Variants in ORM2 observed in about 807,000 individuals in gnomAD.
ORM2 encodes the protein orosomucoid 2, also known as alpha-1-acid glycoprotein 2.
Under a neutral mutation model 26.8 loss-of-function variants are expected in ORM2, and 19 were observed. The observed-to-expected ratio is 0.71, with a 90% CI of 0.49 to 1.04. The LOEUF (loss-of-function observed/expected upper bound fraction) is 1.04, where lower values mean the gene tolerates loss of function less well. Among genes scored for constraint, ORM2 ranks in the 50% least tolerant of loss-of-function variants. ORM2 has a pLI of 0.00. For synonymous variants in ORM2, 94 were observed against 100.0 expected (o/e 0.94, Z 0.36); for missense variants, 259 against 244.9 (o/e 1.06, Z -0.39).
chr9:114,332,358 G>A (rs1315741078), intron 5 of ORM2, among the ~76,000 whole-genome samples: 6 of 152,102 alleles, frequency 3.9e-5, no homozygotes, highest in Admixed American at 6.5e-5. Flanking sequence ...CACGGCCACA[G>A]TCACCATCCC....
Position 114,330,772 on chromosome 9 carries a change from C to A in ORM2, c.258-20C>A, listed in dbSNP as rs201696562. On this transcript the variant is annotated intron_variant, in intron 2 of 5. Transcript: ENST00000431067. ...CTCGATAACATTACTGTTTTTCTTC[C>A]GCCTTCTGGTTGACTTTAGCCAGAA... is the stretch of plus-strand genomic sequence containing the variant. 6.2e-7 allele frequency: 1 copy of A among 1,612,566 alleles called. No individual in the cohort carries two copies. The highest frequency in any genetic ancestry group is 1.7e-5 in the Admixed American group (1 of 59,988).
chr9:114,330,549 C>A lies in ORM2; in HGVS notation c.230C>A (p.Thr77Lys). The change falls in exon 2 of 6, where the codon ACG becomes AAG. Residue 77 changes from threonine to lysine, a missense_variant. Around this residue, in one of 2 missense-constraint regions of ORM2, gnomAD observed 251 missense variants for 220.5 expected, o/e 1.14. Coordinates refer to ENST00000431067, the MANE Select transcript of ORM2 (RefSeq NM_000608.4). ...TTTACCCCCAACAAGACAGAGGACACGATCTTTCTCAGAGAGTACCAGACC... is the reference window on the plus strand; with the variant it reads ...TTTACCCCCAACAAGACAGAGGACAAGATCTTTCTCAGAGAGTACCAGACC... ...FYFTPNKTEDTIFLREYQTRQ... is the reference protein window; with the variant it reads ...FYFTPNKTEDKIFLREYQTRQ... The A allele has an allele frequency of 6.2e-7, 1 of 1,612,794 alleles. No individual in the cohort carries two copies. The highest frequency in any genetic ancestry group is 8.5e-7 in the Non-Finnish European group (1 of 1,179,976).
Position 114,331,669 on chromosome 9 carries a change from T to C in ORM2, c.431T>C (p.Phe144Ser). Residue 144 changes from phenylalanine (F) to serine (S), a missense_variant, in exon 4 of 6, where the codon TTC becomes TCC. Transcript: ENST00000431067. ...LDDEKNWGLS[F>S]YADKPETTKE... The stretch of plus-strand genomic sequence containing the variant: ...GATGAGAAGAACTGGGGGCTGTCTT[T>C]CTATGGTAGGCATGCTTAGCAGCCC... 6.2e-7 allele frequency: 1 copy of C among 1,613,196 alleles called. No homozygotes were observed. The highest frequency in any genetic ancestry group is 8.5e-7 in the Non-Finnish European group (1 of 1,179,398).
chr9:114,330,418 C>G lies in ORM2; in HGVS notation c.115-16C>G, dbSNP rs374387012. ...CAGCATCAAGCCCCCATCACCAGCT[C>G]CCCCCTTCTCCCCAGATCACTGGCA... On this transcript the variant is annotated splice_polypyrimidine_tract_variant and intron_variant, in intron 1 of 5. Transcript: ENST00000431067. 2.1e-5 allele frequency: 33 copies of G among 1,552,538 alleles called. 3 individuals are homozygous for G. Among genetic ancestry groups the G allele is most frequent in the African/African-American group, 3.4e-5 (2 of 59,230 alleles).
chr9:114,332,890 C>G (rs1423267117), intron 5 of ORM2, among the ~76,000 whole-genome samples, 179 bp from the exon 6 acceptor site: 2 of 152,124 alleles, frequency 1.3e-5, no homozygotes, highest in African/African-American at 2.4e-5. Context: ...AGCTGAGGTT[C>G]AGAGACAGAA....
chr9:114,330,642 C>T (rs1829835635), intron 2 of ORM2, 66 bp downstream of exon 2: 4 of 1,600,212 alleles, frequency 2.5e-6, no homozygotes, highest in Non-Finnish European at 3.4e-6. Context: ...GCAAGTCCCT[C>T]CTTCTTCCTG....
chr9:114,332,186 G>A (rs1204722753), intron 5 of ORM2, among the ~76,000 whole-genome samples: 5 of 151,874 alleles, frequency 3.3e-5, no homozygotes, highest in African/African-American at 7.3e-5. Context: ...TGAGCCACGG[G>A]GTTGGGGGAT....
chr9:114,332,717 C>G (rs1239369773), intron 5 of ORM2, among the ~76,000 whole-genome samples: 1 of 152,096 alleles, frequency 6.6e-6, no homozygotes, highest in African/African-American at 2.4e-5. Context: ...TAGGGAGCCT[C>G]GAATGGGTCC....
intron 4 of ORM2, 31 bp downstream of exon 4, chr9:114,331,705 C>A (rs371411972): frequency 1.3e-6 from 2 of 1,596,420 alleles, no homozygotes; most frequent in Non-Finnish European, 1.7e-6. Context: ...CAAACTCATG[C>A]CCCTCTCAGG....
chr9:114,332,547 A>G (rs565835310), intron 5 of ORM2, among the ~76,000 whole-genome samples: 1 of 152,182 alleles, frequency 6.6e-6, no homozygotes, highest in East Asian at 1.9e-4. Context: ...TGACTATTCA[A>G]AGAAAAACAA....
intron 4 of ORM2, 56 bp from the exon 5 acceptor site, chr9:114,331,770 T>C (rs1829857230): frequency 6.3e-7 from 1 of 1,586,592 alleles, no homozygotes; most frequent in African/African-American, 1.4e-5. Context: ...CAGCCCTCCC[T>C]GGCCTCCCGC....
chr9:114,331,662 C>T lies in ORM2; in HGVS notation c.424C>T (p.Leu142=), dbSNP rs776199908. 2 of 1,613,554 alleles carry T rather than the reference C, an allele frequency of 1.2e-6. No homozygotes were observed. Among genetic ancestry groups the T allele is most frequent in the East Asian group, 2.2e-5 (1 of 44,850 alleles). ...CCTGGACGATGAGAAGAACTGGGGG[C>T]TGTCTTTCTATGGTAGGCATGCTTA... ...SYLDDEKNWG[L]SFYADKPETT... The change falls in exon 4 of 6, where the codon CTG becomes TTG. Residue 142 remains leucine (L), a synonymous_variant. Coordinates refer to ENST00000431067, the MANE Select transcript of ORM2 (RefSeq NM_000608.4).
At position 114,330,840 on chromosome 9, in the gene ORM2, G is replaced by T; in HGVS notation, c.306G>T (p.Glu102Asp). Reference protein sequence around the residue: ...YNSSYLNVQRENGTVSRYEGG... With the variant: ...YNSSYLNVQRDNGTVSRYEGG... Reference sequence around the variant, plus strand: ...CCAGTTACCTGAATGTCCAGCGGGAGAATGGGACCGTCTCCAGATACGGTG... The same window carrying T: ...CCAGTTACCTGAATGTCCAGCGGGATAATGGGACCGTCTCCAGATACGGTG... The change falls in exon 3 of 6, where the codon GAG becomes GAT. Residue 102 changes from glutamate (E) to aspartate (D), a missense_variant. This residue lies in a region of ORM2 where 251 missense variants were observed against 220.5 expected (regional missense o/e 1.14). Transcript: ENST00000431067. 1 of 1,613,906 alleles carries T rather than the reference G, an allele frequency of 6.2e-7. No individual in the cohort carries two copies.
chr9:114,330,229 G>C (rs776252800), intron 1 of ORM2: 19 of 731,116 alleles, frequency 2.6e-5, no homozygotes, highest in Non-Finnish European at 2.5e-6. Context: ...AGTCCTTCAC[G>C]GAGGACGGTT....
At chr9:114,330,386 A>G (rs1448882975) in intron 1 of ORM2, 48 bp from the exon 2 acceptor site, 12 of 1,561,490 alleles carry the variant, frequency 7.7e-6, no homozygotes, top group Non-Finnish European at 9.6e-6. Context: ...GCTGACAGTC[A>G]AAGATTCAGC....
rs142633392 is a variant in ORM2, at chr9:114,331,576, G to C, written c.338G>C (p.Arg113Pro). Residue 113 changes from arginine to proline, a missense_variant, in exon 4 of 6, where the codon CGA becomes CCA. Around this residue, in one of 2 missense-constraint regions of ORM2, gnomAD observed 251 missense variants for 220.5 expected, o/e 1.14. Coordinates refer to ENST00000431067, the MANE Select transcript of ORM2 (RefSeq NM_000608.4). Reference protein sequence around the residue: ...NGTVSRYEGGREHVAHLLFLR... With the variant: ...NGTVSRYEGGPEHVAHLLFLR... ...TCTTTTTCTCTTCCAGAGGGAGGCC[G>C]AGAACATGTTGCTCACCTGCTGTTC... 3 of 1,613,612 alleles carry C rather than the reference G, an allele frequency of 1.9e-6. No individual in the cohort carries two copies. Among genetic ancestry groups the C allele is most frequent in the African/African-American group, 2.7e-5 (2 of 74,878 alleles).
At chr9:114,333,002 G>T in intron 5 of ORM2, 67 bp from the exon 6 acceptor site, 1 of 1,601,252 alleles carries the variant, frequency 6.2e-7, no homozygotes, top group Non-Finnish European at 8.5e-7. Flanking sequence ...CCCTCTCCCC[G>T]GAAGACCTCC....
At position 114,330,423 on chromosome 9, in the gene ORM2, C is replaced by A. The variant is rs770543693; in HGVS notation, c.115-11C>A. 1.5e-5 allele frequency: 24 copies of A among 1,558,030 alleles called. No individual in the cohort carries two copies. The Admixed American group carries it at 4.1e-4, about 26-fold the overall frequency. ...TCAAGCCCCCATCACCAGCTCCCCC[C>A]TTCTCCCCAGATCACTGGCAAGTGG... On this transcript the variant is annotated splice_polypyrimidine_tract_variant and intron_variant, in intron 1 of 5. Transcript: ENST00000431067.
In ORM2 at chr9:114,330,422, C is replaced by G. The variant is rs140637781; in HGVS notation, c.115-12C>G. ...ATCAAGCCCCCATCACCAGCTCCCC[C>G]CTTCTCCCCAGATCACTGGCAAGTG... On this transcript the variant is annotated splice_polypyrimidine_tract_variant and intron_variant, in intron 1 of 5. Coordinates refer to ENST00000431067, the MANE Select transcript of ORM2 (RefSeq NM_000608.4). The G allele has an allele frequency of 2.8e-3, 4,310 of 1,556,484 alleles. 320 individuals carry two copies. Among genetic ancestry groups the G allele is most frequent in the Admixed American group, 0.016 (920 of 59,134 alleles).
Sources: gnomAD v4.1 joint callset for allele counts (sites outside exome capture counted in the v4.1 genomes callset) on GRCh38, gnomAD v4.1.1 for gene constraint, gnomAD v4.1.1 regional missense constraint, MANE v1.5 for transcripts, NCBI Gene and HGNC (gene_info 2026-07-23, HGNC 2026-07-21) for gene names.